ORC5: variants seen among roughly 807,000 people sequenced by gnomAD.
The protein encoded by ORC5 is origin recognition complex subunit 5.
Under a neutral mutation model 58.8 loss-of-function variants are expected in ORC5, and 39 were observed. The ratio of observed to expected loss-of-function variants is 0.66; its 90% CI spans 0.51 to 0.87. The LOEUF is 0.87. Ranked by LOEUF, ORC5 falls within the 40% of genes least tolerant of loss-of-function variation. The pLI is 0.00. For synonymous variants in ORC5, 218 were observed against 177.6 expected, an observed-to-expected ratio of 1.23 and a Z score of -1.81; for missense variants, 493 against 506.3, an observed-to-expected ratio of 0.97 and a Z score of 0.25.
chr7:104,181,307 A>G (rs1382172076), intron 8 of ORC5, among the ~76,000 whole-genome samples: 1 of 152,228 alleles, frequency 6.6e-6, no homozygotes, highest in Non-Finnish European at 1.5e-5. Flanking sequence ...ACCAAGGTGA[A>G]GCACCTGCTT....
intron 6 of ORC5, among the ~76,000 whole-genome samples, chr7:104,185,530 T>G (rs1799526073): frequency 6.6e-6 from 1 of 152,204 alleles, no homozygotes; most frequent in Non-Finnish European, 1.5e-5. Context: ...TGACTCAAAG[T>G]ATTTGGATTG....
chr7:104,190,859 A>G (rs1391325198), intron 5 of ORC5, among the ~76,000 whole-genome samples: 1 of 152,058 alleles, frequency 6.6e-6, no homozygotes, highest in Non-Finnish European at 1.5e-5. Flanking sequence ...ATTTTTAGCC[A>G]GGCCATTTAC....
chr7:104,169,493 G>GA (rs139492316), intron 8 of ORC5, among the ~76,000 whole-genome samples: 1 of 151,240 alleles, frequency 6.6e-6, no homozygotes, highest in Admixed American at 6.6e-5. Context: ...GCATGACTTC[G>GA]AAAAAATGAA....
Position 104,175,921 on chromosome 7 carries a change from T to G in ORC5, c.825-7396A>C, listed in dbSNP as rs74599666. Among the ~76,000 whole-genome samples the G allele has an allele frequency of 7.9e-4, 120 of 152,198 alleles. 1 individual carries two copies. The East Asian group carries it at 0.021, about 27-fold the overall frequency. On this transcript the variant is annotated intron_variant, in intron 8 of 13. Transcript: ENST00000297431. ...TAGTCCTATCTAAAAAATATAAACA[T>G]TGGAATGTGTAACACTAAACTTATT...
At chr7:104,184,608 A>G (rs76620358) in intron 6 of ORC5, 6,604 of 155,340 alleles carry the variant, frequency 0.043, 476 homozygotes, top group African/African-American at 0.15. Flanking sequence ...AGAATGGAGC[A>G]TCTCACCAAA....
At chr7:104,149,072 A>C (rs1359974419) in intron 12 of ORC5, among the ~76,000 whole-genome samples, 1 of 152,020 alleles carries the variant, frequency 6.6e-6, no homozygotes, top group Admixed American at 6.6e-5. Flanking sequence ...GTTGGGGGAA[A>C]GCATGATTTC....
chr7:104,148,731 T>G (rs1246774322), intron 12 of ORC5, among the ~76,000 whole-genome samples: 6 of 152,160 alleles, frequency 3.9e-5, no homozygotes, highest in Non-Finnish European at 1.5e-5. Context: ...GTTTTTAAGG[T>G]TTAATTTTTA....
At chr7:104,167,372 G>A (rs1199843292) in intron 9 of ORC5, among the ~76,000 whole-genome samples, 3 of 152,090 alleles carry the variant, frequency 2.0e-5, no homozygotes, top group East Asian at 1.9e-4. Context: ...CCTAAATTCT[G>A]AAAAATCAAA....
At position 104,138,318 on chromosome 7, in the gene ORC5, T is replaced by C. The variant is rs1388318347; in HGVS notation, c.1150-1425A>G. 6.6e-6 allele frequency among the ~76,000 whole-genome samples: 1 copy of C among 152,198 alleles called. No homozygotes were observed. The highest frequency in any genetic ancestry group is 2.4e-5 in the African/African-American group (1 of 41,462). On this transcript the variant is annotated intron_variant, in intron 12 of 13. Coordinates refer to ENST00000297431, the MANE Select transcript of ORC5 (RefSeq NM_002553.4). The surrounding 1 kb of genome is among the most constrained non-coding windows in gnomAD (Gnocchi z 4.7). ...CTTTAAAAGCTGCAAATAAAGCACA[T>C]TCCTCCTCTAAAAATTTTACAGAAT...
chr7:104,150,205 A>T (rs1798822176), intron 12 of ORC5, among the ~76,000 whole-genome samples: 1 of 152,196 alleles, frequency 6.6e-6, no homozygotes, highest in East Asian at 1.9e-4. Context: ...AATTTTTAAC[A>T]TGCTCATTAT....
At position 104,129,498 on chromosome 7, in the gene ORC5, G is replaced by C; in HGVS notation, c.1263-2605C>G. On this transcript the variant is annotated intron_variant, in intron 13 of 13. Transcript: ENST00000297431. This position sits in a 1 kb window ranked among gnomAD's most constrained non-coding sequence, Gnocchi z 4.9. ...CATTCCTCCACCCCCAATATAAATA[G>C]GTAACTTGCCAATTGATCTCACATA... 6.6e-6 allele frequency among the ~76,000 whole-genome samples: 1 copy of C among 152,076 alleles called. No individual in the cohort carries two copies. Among genetic ancestry groups the C allele is most frequent in the Non-Finnish European group, 1.5e-5 (1 of 68,020 alleles).
At chr7:104,167,472 C>T (rs1192795962) in intron 9 of ORC5, among the ~76,000 whole-genome samples, 1 of 152,156 alleles carries the variant, frequency 6.6e-6, no homozygotes, top group Non-Finnish European at 1.5e-5. Context: ...GAATGCTTAA[C>T]CTGTACATAA....
At chr7:104,184,458 C>A (rs758489410) in intron 6 of ORC5, 1 of 304,776 alleles carries the variant, frequency 3.3e-6, no homozygotes, top group African/African-American at 2.2e-5. Context: ...GACCCTGCTT[C>A]TTTCTAAAAA....
chr7:104,161,204 C>T (rs1255837477), intron 11 of ORC5, 22 bp from the exon 12 acceptor site: 4 of 1,324,648 alleles, frequency 3.0e-6, no homozygotes, highest in Non-Finnish European at 3.3e-6. Flanking sequence ...AAAACAAAAA[C>T]ATGGATTTTC....
At chr7:104,185,903 A>G (rs1047270079) in intron 6 of ORC5, among the ~76,000 whole-genome samples, 9 of 152,100 alleles carry the variant, frequency 5.9e-5, no homozygotes, top group Admixed American at 5.9e-4. Context: ...ATATAACTAG[A>G]TAACAGAAAA....
In ORC5 at chr7:104,168,545, C is replaced by T; in HGVS notation, c.825-20G>A. 1 of 1,422,298 alleles carries T rather than the reference C, an allele frequency of 7.0e-7. No homozygotes were observed. Among genetic ancestry groups the T allele is most frequent in the East Asian group, 2.3e-5 (1 of 42,686 alleles). 88.1% of individuals were successfully genotyped at this position (1,422,298 alleles called of 1,614,324 possible). A position where few individuals can be genotyped will look rare whatever the true frequency, so the allele number is the denominator to read the frequency against. On this transcript the variant is annotated intron_variant, in intron 8 of 13. Coordinates refer to ENST00000297431, the MANE Select transcript of ORC5 (RefSeq NM_002553.4). ...TGGGAACTGAAAAAAAATAGAAGAG[C>T]AAAAATGAATTAAAAATAAATAAAA...
chr7:104,136,682 T>TG lies in ORC5; in HGVS notation c.1262+98dup. Reference sequence around the variant, plus strand: ...TATTCATTCTTGGCACTTAAATAGATGATTTTTTCATGTTTAAATGTCATG... The same window carrying TG: ...TATTCATTCTTGGCACTTAAATAGATGGATTTTTTCATGTTTAAATGTCATG... On this transcript the variant is annotated intron_variant, in intron 13 of 13. Coordinates refer to ENST00000297431, the MANE Select transcript of ORC5 (RefSeq NM_002553.4). The surrounding 1 kb of genome is among the most constrained non-coding windows in gnomAD (Gnocchi z 4.2). 1 of 734,092 alleles carries TG rather than the reference T, an allele frequency of 1.4e-6. No individual in the cohort carries two copies. The highest frequency in any genetic ancestry group is 2.3e-6 in the Non-Finnish European group (1 of 432,042). The allele number at this position is 734,092 out of a possible 1,614,324, so 45.5% of individuals were successfully genotyped here.
intron 2 of ORC5, among the ~76,000 whole-genome samples, chr7:104,201,360 A>G (rs2116093036): frequency 6.6e-6 from 1 of 152,194 alleles, no homozygotes; most frequent in Non-Finnish European, 1.5e-5. Flanking sequence ...TCAGGCCTGG[A>G]GGTGGTAAAG....
At chr7:104,190,215 A>G (rs568653739) in intron 5 of ORC5, among the ~76,000 whole-genome samples, 160 of 152,232 alleles carry the variant, frequency 1.1e-3, no homozygotes, top group African/African-American at 3.7e-3. Flanking sequence ...AAATCTCAAC[A>G]ACCTTATTAC....
Sources: allele counts gnomAD v4.1 joint callset (sites outside exome capture counted in the v4.1 genomes callset), GRCh38; gene constraint gnomAD v4.1.1; non-coding constraint Gnocchi (gnomAD v3.1); transcripts MANE v1.5; gene names NCBI Gene and HGNC (gene_info 2026-07-23, HGNC 2026-07-21).